LAMA3: variants seen among roughly 807,000 people sequenced by gnomAD.
LAMA3 encodes laminin subunit alpha 3, also known as laminin subunit alpha-3.
In LAMA3, 281 loss-of-function variants were observed where a neutral mutation model predicts 402.0. The observed-to-expected ratio is 0.70, with a 90% CI of 0.63 to 0.77. The LOEUF is 0.77. LAMA3 is among the 30% of genes least tolerant of loss of function. The pLI, the probability that LAMA3 is intolerant of heterozygous loss-of-function variation, is 0.00. For missense variants in LAMA3, 3,840 were observed against 4,215.5 expected (o/e 0.91, Z 2.47); for synonymous variants, 1,431 against 1,558.4 (o/e 0.92, Z 1.93).
intron 8 of LAMA3, among the ~76,000 whole-genome samples, chr18:23,770,853 A>G (rs1198700287): frequency 6.6e-6 from 1 of 152,044 alleles, no homozygotes; most frequent in Admixed American, 6.6e-5. Context: ...ACTACTACAT[A>G]CTCCCCAGGA....
intron 8 of LAMA3, among the ~76,000 whole-genome samples, chr18:23,765,615 A>G (rs777090478): frequency 1.3e-5 from 2 of 152,198 alleles, no homozygotes; most frequent in Admixed American, 6.5e-5. Context: ...AGAAAAGACA[A>G]TCAATAGGGA....
At position 23,815,241 on chromosome 18, in the gene LAMA3, G is replaced by A. The variant is rs868594403; in HGVS notation, c.1941+1G>A. ...GAGTGGAACTGGAGAGTGTAGGCAG[G>A]TAAAGTGGGCTGAGTTTTCATGTGA... is the stretch of plus-strand genomic sequence containing the variant. On this transcript the variant is annotated splice_donor_variant, in intron 16 of 74. Coordinates refer to ENST00000313654, the MANE Select transcript of LAMA3 (RefSeq NM_198129.4). LOFTEE classifies it high-confidence loss of function. 1 of 1,613,908 alleles carries A rather than the reference G, an allele frequency of 6.2e-7. No homozygotes were observed. The highest frequency in any genetic ancestry group is 8.5e-7 in the Non-Finnish European group (1 of 1,179,860).
intron 31 of LAMA3, 26 bp downstream of exon 31, chr18:23,846,534 A>G (rs775843908): frequency 6.7e-5 from 107 of 1,587,508 alleles, no homozygotes; most frequent in Non-Finnish European, 7.8e-5. Flanking sequence ...CCATCACCCA[A>G]GTTCTGCTCT....
At chr18:23,800,504 A>G (rs542634344) in intron 12 of LAMA3, among the ~76,000 whole-genome samples, 5 of 152,196 alleles carry the variant, frequency 3.3e-5, no homozygotes, top group Admixed American at 1.3e-4. Flanking sequence ...TAGCTTATCT[A>G]TCACCTCGAA....
chr18:23,888,436 A>G (rs1350702945), intron 41 of LAMA3, among the ~76,000 whole-genome samples: 1 of 152,220 alleles, frequency 6.6e-6, no homozygotes, highest in Non-Finnish European at 1.5e-5. Flanking sequence ...TCACTTATTC[A>G]TTCAACAAAT....
rs1170908752 is a variant in LAMA3, at chr18:23,837,140, A to G, written c.3093+51A>G. ...TTTTAGAAGCATTTTGCTGATATCTATATTTTTTGAAGCTTATTAAAATTT... is the reference window on the plus strand; with the variant it reads ...TTTTAGAAGCATTTTGCTGATATCTGTATTTTTTGAAGCTTATTAAAATTT... On this transcript the variant is annotated intron_variant, in intron 25 of 74. Coordinates refer to ENST00000313654, the MANE Select transcript of LAMA3 (RefSeq NM_198129.4). The G allele has an allele frequency of 2.1e-5, 27 of 1,266,908 alleles. 2 individuals are homozygous for G. The Admixed American group carries it at 2.8e-4, about 13-fold the overall frequency. 78.5% of individuals were successfully genotyped at this position (1,266,908 alleles called of 1,614,324 possible).
rs10665618 is a variant in LAMA3 at position 23,690,872 on chromosome 18, ATTATTTATTTAT to A, written c.294+934_294+945del. On this transcript the variant is annotated intron_variant, in intron 1 of 74. Coordinates refer to ENST00000313654, the MANE Select transcript of LAMA3 (RefSeq NM_198129.4). ...GCTCACTGCAACCTCAGGCCTGGCA[ATTATTTATTTAT>A]TTATTTATTTATTTATTTATTTATT... 7.6e-3 allele frequency among the ~76,000 whole-genome samples: 1,041 copies of A among 136,972 alleles called. 9 individuals are homozygous for A. The highest frequency in any genetic ancestry group is 9.9e-3 in the Non-Finnish European group (639 of 64,388). 89.9% of individuals were successfully genotyped at this position (136,972 alleles called of 152,430 possible).
chr18:23,695,835 A>T (rs2060676218), intron 1 of LAMA3, among the ~76,000 whole-genome samples: 1 of 121,408 alleles, frequency 8.2e-6, no homozygotes, highest in African/African-American at 2.9e-5. Flanking sequence ...AAAAAAAAAA[A>T]AGAAATATGT....
At chr18:23,708,531 AT>A (rs1360376517) in intron 1 of LAMA3, among the ~76,000 whole-genome samples, 1 of 152,088 alleles carries the variant, frequency 6.6e-6, no homozygotes, top group Non-Finnish European at 1.5e-5. Context: ...ACTGTTTAAA[AT>A]TTTTATTTGT....
intron 27 of LAMA3, among the ~76,000 whole-genome samples, chr18:23,841,123 G>A (rs1024368757): frequency 1.3e-5 from 2 of 152,180 alleles, no homozygotes; most frequent in Admixed American, 6.5e-5. Context: ...TATGGGAAAG[G>A]CAGTCCAGAA....
intron 24 of LAMA3, 184 bp downstream of exon 24, chr18:23,834,172 G>T (rs1356556593): frequency 1.5e-6 from 1 of 668,770 alleles, no homozygotes; most frequent in Non-Finnish European, 2.6e-6. Flanking sequence ...TCCTCTCTAT[G>T]GGCAGTGTAA....
intron 2 of LAMA3, among the ~76,000 whole-genome samples, chr18:23,720,763 C>G (rs756630508): frequency 3.3e-5 from 5 of 152,118 alleles, no homozygotes; most frequent in Non-Finnish European, 7.4e-5. Flanking sequence ...GAATATTATC[C>G]TTTATGGTCC....
chr18:23,748,953 G>A (rs993436817), intron 3 of LAMA3, among the ~76,000 whole-genome samples: 4 of 152,136 alleles, frequency 2.6e-5, no homozygotes, highest in Non-Finnish European at 5.9e-5. Flanking sequence ...GAATTGATGA[G>A]ATGACTTTAA....
rs182372195 is a variant in LAMA3, at chr18:23,757,708, T to C, written c.948-688T>C. 4.7e-4 allele frequency among the ~76,000 whole-genome samples: 72 copies of C among 152,308 alleles called. 1 individual carries two copies. Among genetic ancestry groups the C allele is most frequent in the Admixed American group, 4.2e-3 (64 of 15,296 alleles). ...CTGGACAATGGTTTTGAATCCTCTT[T>C]CAAGTACGGAAGGAGGGAGCTCAAA... On this transcript the variant is annotated intron_variant, in intron 6 of 74. Transcript: ENST00000313654.
chr18:23,773,629 C>A, intron 9 of LAMA3, 42 bp downstream of exon 9: 1 of 1,294,684 alleles, frequency 7.7e-7, no homozygotes, highest in Non-Finnish European at 1.1e-6. Context: ...CCTGTGTGTA[C>A]TGCCTCAGCG....
intron 41 of LAMA3, among the ~76,000 whole-genome samples, chr18:23,887,390 C>G (rs2083393206): frequency 6.6e-6 from 1 of 152,132 alleles, no homozygotes; most frequent in Non-Finnish European, 1.5e-5. Context: ...TAATTTCATC[C>G]TCTTTATGGC....
chr18:23,795,808 A>C (rs1446207457), intron 12 of LAMA3, among the ~76,000 whole-genome samples: 1 of 152,166 alleles, frequency 6.6e-6, no homozygotes, highest in Non-Finnish European at 1.5e-5. Context: ...GGCAGCCAGC[A>C]GCTCTTAGAC....
chr18:23,705,478 C>CACACACACACAG (rs1167397780), intron 1 of LAMA3, among the ~76,000 whole-genome samples: 2 of 151,830 alleles, frequency 1.3e-5, no homozygotes, highest in Admixed American at 6.6e-5. Context: ...CACACACACA[C>CACACACACACAG]ACAGACATAT....
At chr18:23,747,769 G>A (rs2143523605) in intron 2 of LAMA3, among the ~76,000 whole-genome samples, 174 bp from the exon 3 acceptor site, 1 of 152,308 alleles carries the variant, frequency 6.6e-6, no homozygotes, top group South Asian at 2.1e-4. Flanking sequence ...AATTTGATCA[G>A]CTTGAGAGGC....
Sources: gnomAD v4.1 joint callset for allele counts (sites outside exome capture counted in the v4.1 genomes callset) on GRCh38, gnomAD v4.1.1 for gene constraint, MANE v1.5 for transcripts, NCBI Gene and HGNC (gene_info 2026-07-23, HGNC 2026-07-21) for gene names.